Variants in NR3C2 observed in about 807,000 individuals in gnomAD.
NR3C2 encodes the protein mineralocorticoid receptor.
In NR3C2, 15 loss-of-function variants were observed where a neutral mutation model predicts 86.4. That is an observed-to-expected ratio of 0.17 (90% CI 0.12 to 0.27). The LOEUF is 0.27. Ranked by LOEUF, NR3C2 falls within the 10% of genes least tolerant of loss-of-function variation. The probability of loss-of-function intolerance (pLI) is 1.00; values close to 1 mark genes in which losing one functional copy is unlikely to be tolerated. For missense variants in NR3C2, 960 were observed against 1,195.6 expected (o/e 0.80, Z 2.91); for synonymous variants, 458 against 450.5 (o/e 1.02, Z -0.21).
intron 4 of NR3C2, among the ~76,000 whole-genome samples, chr4:148,167,470 T>A (rs1015416522): frequency 6.6e-6 from 1 of 152,234 alleles, no homozygotes; most frequent in Non-Finnish European, 1.5e-5. Context: ...CAGTTAAGAT[T>A]AGACATTCTC....
intron 6 of NR3C2, among the ~76,000 whole-genome samples, chr4:148,133,666 C>A (rs1411064748): frequency 6.6e-6 from 1 of 152,196 alleles, no homozygotes; most frequent in Non-Finnish European, 1.5e-5. Flanking sequence ...CTTCCTAAAG[C>A]AAAAGTCGCA....
chr4:148,393,549 T>G (rs562432723), intron 2 of NR3C2, among the ~76,000 whole-genome samples: 3 of 152,238 alleles, frequency 2.0e-5, no homozygotes, highest in South Asian at 4.2e-4. Flanking sequence ...GGGACGGTGA[T>G]GAACTAAAGA....
chr4:148,183,609 C>G (rs891717872), intron 4 of NR3C2, among the ~76,000 whole-genome samples: 6 of 152,110 alleles, frequency 3.9e-5, no homozygotes, highest in Non-Finnish European at 7.3e-5. Flanking sequence ...TCCATTAACT[C>G]GCTTGTAAAA....
chr4:148,172,485 G>C (rs777470028), intron 4 of NR3C2, among the ~76,000 whole-genome samples: 2 of 151,988 alleles, frequency 1.3e-5, no homozygotes, highest in Non-Finnish European at 2.9e-5. Context: ...GCATTGTCCT[G>C]GTGCAGGGAT....
chr4:148,208,507 G>A (rs976270184), intron 3 of NR3C2: 9 of 152,252 alleles, frequency 5.9e-5, no homozygotes, highest in East Asian at 3.9e-4. Context: ...TAGTACCCCC[G>A]TCCTTACAGG....
chr4:148,309,947 G>A (rs1427088855), intron 2 of NR3C2, among the ~76,000 whole-genome samples: 1 of 151,278 alleles, frequency 6.6e-6, no homozygotes, highest in Non-Finnish European at 1.5e-5. Flanking sequence ...AATAATAAAT[G>A]AGCAAACAAA....
At chr4:148,124,931 TTC>T (rs1176375986) in intron 6 of NR3C2, among the ~76,000 whole-genome samples, 1 of 152,218 alleles carries the variant, frequency 6.6e-6, no homozygotes, top group Non-Finnish European at 1.5e-5. Flanking sequence ...TCTCAAACAT[TTC>T]TGTTCTTTTC....
chr4:148,334,172 T>C (rs1227592058), intron 2 of NR3C2, among the ~76,000 whole-genome samples: 2 of 152,162 alleles, frequency 1.3e-5, no homozygotes, highest in African/African-American at 2.4e-5. Flanking sequence ...ATGGATAAAA[T>C]GAGACAGGCT....
chr4:148,262,132 CG>C (rs1219375252), intron 2 of NR3C2, among the ~76,000 whole-genome samples: 1 of 152,144 alleles, frequency 6.6e-6, no homozygotes, highest in Non-Finnish European at 1.5e-5. Context: ...GAAAATGCCA[CG>C]GTTTTGTAAA....
At chr4:148,253,371 C>T (rs1392777503) in intron 3 of NR3C2, among the ~76,000 whole-genome samples, 1 of 152,090 alleles carries the variant, frequency 6.6e-6, no homozygotes, top group Non-Finnish European at 1.5e-5. Context: ...GTCTGAAGTT[C>T]AGCAAAAATG....
intron 3 of NR3C2, among the ~76,000 whole-genome samples, chr4:148,254,523 TAACA>T (rs1368668458): frequency 3.3e-4 from 51 of 152,244 alleles, no homozygotes; most frequent in Middle Eastern, 3.4e-3. Flanking sequence ...TGTGTTCCCA[TAACA>T]ACCAACTGAA....
chr4:148,435,368 T>C lies in NR3C2; in HGVS notation c.1493A>G (p.Asp498Gly), dbSNP rs1749993908. 1.2e-6 allele frequency: 2 copies of C among 1,614,062 alleles called. No individual in the cohort carries two copies. Among genetic ancestry groups the C allele is most frequent in the South Asian group, 1.1e-5 (1 of 91,086 alleles). ...GFPVGIKQEPDDGSYYPEASI... is the reference protein window; with the variant it reads ...GFPVGIKQEPGDGSYYPEASI... ...GGCCTCTGGGTAATAGCTCCCATCA[T>C]CTGGTTCTTGTTTAATACCCACTGG... The change falls in exon 2 of 9, where the codon GAT (aspartate) becomes GGT (glycine). Residue 498 changes from aspartate (D) to glycine (G), a missense_variant. By Grantham distance (94) the Asp-to-Gly change is moderately conservative (BLOSUM62 -1). Around this residue, in one of 4 missense-constraint regions of NR3C2, gnomAD observed 680 missense variants for 719.0 expected, o/e 0.95. Transcript: ENST00000358102.
At chr4:148,164,369 T>C (rs927823556) in intron 4 of NR3C2, among the ~76,000 whole-genome samples, 4 of 152,210 alleles carry the variant, frequency 2.6e-5, no homozygotes, top group South Asian at 2.1e-4. Flanking sequence ...CTGAGCTCCA[T>C]TGCAACTGGT....
chr4:148,409,481 T>C (rs1748587769), intron 2 of NR3C2, among the ~76,000 whole-genome samples: 1 of 152,150 alleles, frequency 6.6e-6, no homozygotes, highest in Admixed American at 6.5e-5. Flanking sequence ...CTTATCTGTC[T>C]TGTCATAATG....
At chr4:148,095,639 T>TG (rs1731244486) in intron 8 of NR3C2, among the ~76,000 whole-genome samples, 1 of 152,198 alleles carries the variant, frequency 6.6e-6, no homozygotes, top group South Asian at 2.1e-4. Flanking sequence ...GAGAGGCATT[T>TG]GGGGACCTTA....
intron 3 of NR3C2, among the ~76,000 whole-genome samples, chr4:148,233,769 G>A (rs147771101): frequency 2.0e-5 from 3 of 152,208 alleles, no homozygotes; most frequent in East Asian, 1.9e-4. Flanking sequence ...ACCGTCTTAC[G>A]TGGTCATGGT....
intron 2 of NR3C2, among the ~76,000 whole-genome samples, chr4:148,283,360 C>T (rs1579104439): frequency 6.6e-6 from 1 of 152,168 alleles, no homozygotes; most frequent in East Asian, 1.9e-4. Flanking sequence ...ATAAATGATA[C>T]CCAGTTACAA....
At chr4:148,138,190 T>G (rs1733439545) in intron 6 of NR3C2, among the ~76,000 whole-genome samples, 1 of 152,162 alleles carries the variant, frequency 6.6e-6, no homozygotes, top group African/African-American at 2.4e-5. Flanking sequence ...CTCAACAACA[T>G]GAAGCTCATT....
chr4:148,120,573 G>T (rs1485642618), intron 6 of NR3C2, among the ~76,000 whole-genome samples: 1 of 152,224 alleles, frequency 6.6e-6, no homozygotes, highest in Non-Finnish European at 1.5e-5. Flanking sequence ...TATGTCAAGA[G>T]TAATACTGAC....
Sources: gnomAD v4.1 joint callset for allele counts (sites outside exome capture counted in the v4.1 genomes callset) on GRCh38, gnomAD v4.1.1 for gene constraint, gnomAD v4.1.1 regional missense constraint, MANE v1.5 for transcripts, NCBI Gene and HGNC (gene_info 2026-07-23, HGNC 2026-07-21) for gene names.